Variants in GABRA2 observed in about 807,000 individuals in gnomAD.
GABRA2 encodes gamma-aminobutyric acid receptor subunit alpha-2.
A neutral mutation model predicts 48.7 loss-of-function variants in GABRA2; 16 were observed. The ratio of observed to expected loss-of-function variants is 0.33; its 90% CI spans 0.22 to 0.50. The LOEUF (loss-of-function observed/expected upper bound fraction) is 0.50, where lower values mean the gene tolerates loss of function less well. Ranked by LOEUF, GABRA2 falls within the 20% of genes least tolerant of loss-of-function variation. GABRA2 has a pLI of 0.98. For missense variants in GABRA2, 275 were observed against 535.6 expected (o/e 0.51, Z 4.80); for synonymous variants, 185 against 184.5 (o/e 1.00, Z -0.02).
chr4:46,291,790 T>TAC (rs201369353), intron 8 of GABRA2, among the ~76,000 whole-genome samples: 2 of 149,802 alleles, frequency 1.3e-5, no homozygotes, highest in African/African-American at 4.9e-5. Flanking sequence ...TATATATATA[T>TAC]ACATATACAT....
intron 4 of GABRA2, among the ~76,000 whole-genome samples, chr4:46,329,125 G>A (rs960646059): frequency 2.0e-5 from 3 of 151,934 alleles, no homozygotes; most frequent in Admixed American, 1.3e-4. Context: ...ACTATCTCCT[G>A]GTCCTCAGTT....
chr4:46,312,363 A>G (rs2109690247), intron 5 of GABRA2, 133 bp downstream of exon 5: 2 of 567,700 alleles, frequency 3.5e-6, no homozygotes, highest in Admixed American at 3.5e-5. Flanking sequence ...TTTGCAAAGC[A>G]TATTATTGGT....
chr4:46,358,625 G>A (rs1296705851), intron 3 of GABRA2, among the ~76,000 whole-genome samples: 1 of 152,026 alleles, frequency 6.6e-6, no homozygotes, highest in Non-Finnish European at 1.5e-5. Flanking sequence ...AGAAATTCAG[G>A]GATCACATGT....
At chr4:46,291,089 T>C (rs990600434) in intron 8 of GABRA2, among the ~76,000 whole-genome samples, 5 of 152,206 alleles carry the variant, frequency 3.3e-5, no homozygotes, top group African/African-American at 1.2e-4. Flanking sequence ...GTAACTCTAG[T>C]CACACAGAAT....
chr4:46,333,701 C>T (rs889726961), intron 3 of GABRA2, among the ~76,000 whole-genome samples: 5 of 152,070 alleles, frequency 3.3e-5, no homozygotes, highest in South Asian at 2.1e-4. Flanking sequence ...ACCAGGTACT[C>T]TTTAAAGCAC....
chr4:46,380,643 T>A (rs1716636161), intron 3 of GABRA2, among the ~76,000 whole-genome samples: 1 of 152,154 alleles, frequency 6.6e-6, no homozygotes, highest in Admixed American at 6.6e-5. Context: ...GGTTGAGCAA[T>A]GTGCTGAAAG....
rs1553906974 is a variant in GABRA2 at position 46,291,776 on chromosome 4, C to CACATATATATATATATAT, written c.856+11683_856+11684insATATATATATATATATGT. ...AGTTAATACTATTAATAAACACACA[C>CACATATATATATATATAT]ATATATATATATATACATATACATA... On this transcript the variant is annotated intron_variant, in intron 8 of 9. Transcript: ENST00000381620. 2.6e-4 allele frequency among the ~76,000 whole-genome samples: 38 copies of CACATATATATATATATAT among 144,744 alleles called. 1 individual carries two copies. The highest frequency in any genetic ancestry group is 8.2e-4 in the African/African-American group (32 of 39,008). The allele number at this position is 144,744 out of a possible 152,430, so 95.0% of individuals were successfully genotyped here.
Position 46,312,564 on chromosome 4 carries a change from A to G in GABRA2, c.408T>C (p.Ala136=), listed in dbSNP as rs1261516608. The change falls in exon 5 of 10, where the codon GCT becomes GCC. Residue 136 remains alanine (A), a synonymous_variant. Transcript: ENST00000381620. The part of the protein sequence containing the change: ...TFFHNGKKSV[A]HNMTMPNKLL... ...ACTTATTTGGCATTGTCATATTATG[A>G]GCTACTGATTTTTTCCCATTGTGAA... is the stretch of plus-strand genomic sequence containing the variant. 1.9e-6 allele frequency: 3 copies of G among 1,603,380 alleles called. No homozygotes were observed. The highest frequency in any genetic ancestry group is 2.5e-6 in the Non-Finnish European group (3 of 1,176,574).
chr4:46,320,234 A>G (rs1390215336), intron 4 of GABRA2, among the ~76,000 whole-genome samples: 1 of 151,860 alleles, frequency 6.6e-6, no homozygotes, highest in Non-Finnish European at 1.5e-5. Context: ...CTGAATAGCC[A>G]TATGCACTAG....
intron 8 of GABRA2, among the ~76,000 whole-genome samples, chr4:46,269,093 G>A (rs1430161438): frequency 6.6e-6 from 1 of 151,790 alleles, no homozygotes. Flanking sequence ...CCTCAGATAG[G>A]AAGAATAATT....
intron 4 of GABRA2, among the ~76,000 whole-genome samples, chr4:46,328,736 G>A (rs1281938224): frequency 2.6e-5 from 4 of 151,982 alleles, no homozygotes; most frequent in Non-Finnish European, 4.4e-5. Context: ...CCACTAACTC[G>A]TCATCTAGCA....
intron 3 of GABRA2, among the ~76,000 whole-genome samples, chr4:46,339,379 A>T (rs1358862671): frequency 6.6e-6 from 1 of 151,830 alleles, no homozygotes; most frequent in Admixed American, 6.6e-5. Context: ...TCCCAATAGA[A>T]GTTAAGTTCC....
chr4:46,259,623 G>C (rs1716551438), intron 9 of GABRA2, among the ~76,000 whole-genome samples: 1 of 151,480 alleles, frequency 6.6e-6, no homozygotes, highest in Non-Finnish European at 1.5e-5. Flanking sequence ...ATTCTTATGG[G>C]GCAAATTGAT....
intron 9 of GABRA2, among the ~76,000 whole-genome samples, chr4:46,253,523 A>C (rs1407190449): frequency 6.6e-6 from 1 of 151,550 alleles, no homozygotes; most frequent in Non-Finnish European, 1.5e-5. Flanking sequence ...TGACAGCTAT[A>C]AATAACAAAA....
chr4:46,339,611 A>G (rs1187507491), intron 3 of GABRA2, among the ~76,000 whole-genome samples: 1 of 151,906 alleles, frequency 6.6e-6, no homozygotes, highest in Non-Finnish European at 1.5e-5. Context: ...ACAATTGCAG[A>G]CATGATATAT....
Position 46,389,787 on chromosome 4 carries a change from G to A in GABRA2, c.-63C>T, listed in dbSNP as rs1376346017. On this transcript the variant is annotated 5_prime_UTR_variant, in exon 1 of 10. Transcript: ENST00000381620. ...TTCTTCCTTTTGCCCTGATCTTGAC[G>A]AGATAGGAAACTTGGGAGAGAGAGA... 3.1e-6 allele frequency: 3 copies of A among 966,948 alleles called. No individual in the cohort carries two copies. The highest frequency in any genetic ancestry group is 4.9e-5 in the South Asian group (1 of 20,388). The allele number at this position is 966,948 out of a possible 1,614,324, so 59.9% of individuals were successfully genotyped here.
At chr4:46,252,428 T>C (rs1005942289) in intron 9 of GABRA2, among the ~76,000 whole-genome samples, 16 of 151,478 alleles carry the variant, frequency 1.1e-4, no homozygotes, top group Non-Finnish European at 1.5e-5. Context: ...CAAGGTGACA[T>C]CTCTGACAAA....
Position 46,246,008 on chromosome 4 carries a change from T to C in GABRA2, c.*4300A>G, listed in dbSNP as rs1408578986. ...TTTTAGCAAAAAAACAAAATTATGATATATAATATTTATAAGTAGATATTG... is the reference window on the plus strand; with the variant it reads ...TTTTAGCAAAAAAACAAAATTATGACATATAATATTTATAAGTAGATATTG... On this transcript the variant is annotated 3_prime_UTR_variant, in exon 10 of 10. Transcript: ENST00000381620. Among the ~76,000 whole-genome samples the C allele has an allele frequency of 6.6e-6, 1 of 151,220 alleles. No individual in the cohort carries two copies. Among genetic ancestry groups the C allele is most frequent in the African/African-American group, 2.4e-5 (1 of 41,342 alleles).
chr4:46,291,654 G>A (rs965751708), intron 8 of GABRA2, among the ~76,000 whole-genome samples: 4 of 151,708 alleles, frequency 2.6e-5, no homozygotes, highest in Admixed American at 6.6e-5. Context: ...CTCAAATTTC[G>A]CACCCCAAGT....
Sources: gnomAD v4.1 joint callset for allele counts (sites outside exome capture counted in the v4.1 genomes callset) on GRCh38, gnomAD v4.1.1 for gene constraint, MANE v1.5 for transcripts, NCBI Gene and HGNC (gene_info 2026-07-23, HGNC 2026-07-21) for gene names.